Variants in DRG1 observed in about 807,000 individuals in gnomAD.
DRG1 encodes the protein developmentally regulated GTP binding protein 1.
In DRG1, 19 loss-of-function variants were observed where a neutral mutation model predicts 38.8. That is an observed-to-expected ratio of 0.49 (90% CI 0.34 to 0.72). The LOEUF is 0.72. Ranked by LOEUF, DRG1 falls within the 30% of genes least tolerant of loss-of-function variation. The probability of loss-of-function intolerance (pLI) is 0.01; values close to 1 mark genes in which losing one functional copy is unlikely to be tolerated. For missense variants in DRG1, 299 were observed against 444.8 expected (o/e 0.67, Z 2.95); for synonymous variants, 167 against 157.5 (o/e 1.06, Z -0.45).
intron 6 of DRG1, among the ~76,000 whole-genome samples, chr22:31,425,824 C>T (rs2050106818): frequency 6.6e-6 from 1 of 152,168 alleles, no homozygotes; most frequent in African/African-American, 2.4e-5. Context: ...TAGTTGCTCT[C>T]CTAGTCATTT....
chr22:31,400,172 C>G (rs1394307772), intron 1 of DRG1, among the ~76,000 whole-genome samples: 1 of 152,004 alleles, frequency 6.6e-6, no homozygotes, highest in African/African-American at 2.4e-5. Context: ...AGTGTCTACC[C>G]TAATGACCCC....
chr22:31,403,671 A>T (rs2049975035), intron 3 of DRG1, among the ~76,000 whole-genome samples: 1 of 151,256 alleles, frequency 6.6e-6, no homozygotes, highest in Non-Finnish European at 1.5e-5. Context: ...TTTAGTAGAA[A>T]TGGGGTTTCA....
chr22:31,427,294 A>C lies in DRG1; in HGVS notation c.1004+112A>C, dbSNP rs868676015. 1.2e-5 allele frequency: 17 copies of C among 1,382,550 alleles called. 1 individual carries two copies. In the African/African-American group the frequency reaches 1.7e-4, roughly 14 times the overall value. The allele number at this position is 1,382,550 out of a possible 1,614,324, so 85.6% of individuals were successfully genotyped here. On this transcript the variant is annotated intron_variant, in intron 8 of 8. Transcript: ENST00000331457. The stretch of plus-strand genomic sequence containing the variant: ...AAGAAGGCAGGAAGGAGGCTACTGA[A>C]ATGTTTGCTTGGCTAGAACTCTGCA...
chr22:31,420,168 T>C, intron 4 of DRG1, 88 bp from the exon 5 acceptor site: 1 of 1,447,772 alleles, frequency 6.9e-7, no homozygotes, highest in Non-Finnish European at 9.4e-7. Context: ...CACTTAAATG[T>C]AGGGGGAAAA....
chr22:31,406,889 A>G (rs1404123537), intron 3 of DRG1, among the ~76,000 whole-genome samples: 1 of 152,076 alleles, frequency 6.6e-6, no homozygotes, highest in East Asian at 1.9e-4. Flanking sequence ...TTTATCTAGG[A>G]TCATCCCATG....
At chr22:31,419,919 T>C (rs781326454) in intron 4 of DRG1, among the ~76,000 whole-genome samples, 2 of 152,128 alleles carry the variant, frequency 1.3e-5, no homozygotes, top group African/African-American at 2.4e-5. Flanking sequence ...GGCATGTGCC[T>C]GTAGTCCCAG....
intron 8 of DRG1, among the ~76,000 whole-genome samples, chr22:31,427,752 T>G (rs2050118841): frequency 6.6e-6 from 1 of 152,000 alleles, no homozygotes. Flanking sequence ...TTTCATTTTT[T>G]GAGACAGTCT....
chr22:31,431,626 C>A (rs2050139997), intron 8 of DRG1, among the ~76,000 whole-genome samples: 1 of 152,146 alleles, frequency 6.6e-6, no homozygotes, highest in African/African-American at 2.4e-5. Flanking sequence ...AATGATCATG[C>A]CCCCTGTACT....
chr22:31,433,920 T>C lies in DRG1; in HGVS notation c.1053T>C (p.Gly351=), dbSNP rs759816070. Residue 351 remains glycine, a synonymous_variant, in exon 9 of 9, where the codon GGT becomes GGC. Transcript: ENST00000331457. ...TGAAACACAATCCTCAGAAAGTGGG[T>C]AAAGACCATACGTTGGAGGATGAGG... is the stretch of plus-strand genomic sequence containing the variant. ...LSVKHNPQKV[G]KDHTLEDEDV... is the part of the protein sequence containing the mutation. 1.9e-6 allele frequency: 3 copies of C among 1,614,104 alleles called. No individual in the cohort carries two copies. In the Admixed American group the frequency reaches 5.0e-5, roughly 27 times the overall value.
intron 2 of DRG1, among the ~76,000 whole-genome samples, chr22:31,401,766 A>G (rs1348987498): frequency 6.6e-6 from 1 of 151,790 alleles, no homozygotes; most frequent in Non-Finnish European, 1.5e-5. Context: ...AAGAAAACCA[A>G]AGTAGGGCCA....
chr22:31,430,222 T>G (rs2050131443), intron 8 of DRG1, among the ~76,000 whole-genome samples: 1 of 152,172 alleles, frequency 6.6e-6, no homozygotes, highest in South Asian at 2.1e-4. Flanking sequence ...CTGTAGGCCC[T>G]CTCAGCAAAT....
chr22:31,431,708 C>A (rs1418171548), intron 8 of DRG1, among the ~76,000 whole-genome samples: 2 of 152,140 alleles, frequency 1.3e-5, no homozygotes, highest in Admixed American at 6.6e-5. Flanking sequence ...GTTTCTGATC[C>A]TAAGAGTACT....
chr22:31,413,987 C>T (rs1450657979), intron 4 of DRG1, among the ~76,000 whole-genome samples: 2 of 152,092 alleles, frequency 1.3e-5, no homozygotes, highest in Non-Finnish European at 2.9e-5. Flanking sequence ...TTATTGTCCA[C>T]ATCTTTCTAA....
chr22:31,416,301 T>G (rs572847465), intron 4 of DRG1, among the ~76,000 whole-genome samples: 92 of 152,060 alleles, frequency 6.1e-4, no homozygotes, highest in Admixed American at 2.6e-4. Flanking sequence ...AAAAAAGAAG[T>G]CAGATCATGT....
chr22:31,401,583 CAAAAAAA>C (rs951167073), intron 2 of DRG1, among the ~76,000 whole-genome samples: 7 of 53,748 alleles, frequency 1.3e-4, no homozygotes, highest in African/African-American at 2.2e-4. Context: ...GACTCTGTCT[CAAAAAAA>C]AAAAAAAAAA....
intron 4 of DRG1, among the ~76,000 whole-genome samples, chr22:31,416,294 AAAG>A (rs567721423): frequency 1.3e-5 from 2 of 152,152 alleles, no homozygotes; most frequent in African/African-American, 4.8e-5. Flanking sequence ...CAAACAAAAA[AAAG>A]AAGTCAGATC....
In DRG1 at chr22:31,411,896, C is replaced by T. The variant is rs993990334; in HGVS notation, c.412+815C>T. 6.6e-5 allele frequency among the ~76,000 whole-genome samples: 10 copies of T among 152,122 alleles called. No individual in the cohort carries two copies. In the South Asian group the frequency reaches 1.0e-3, roughly 16 times the overall value. ...CATTTTCCCTCAGAAATTTGAAGAA[C>T]GCTATCTTCTAGCATCTACTATTGC... is the stretch of plus-strand genomic sequence containing the variant. On this transcript the variant is annotated intron_variant, in intron 4 of 8. Coordinates refer to ENST00000331457, the MANE Select transcript of DRG1 (RefSeq NM_004147.4).
intron 8 of DRG1, among the ~76,000 whole-genome samples, chr22:31,430,895 A>G (rs1196291487): frequency 1.4e-5 from 2 of 146,210 alleles, no homozygotes; most frequent in African/African-American, 5.1e-5. Flanking sequence ...TTTTTTTTTT[A>G]TTTGTAGAGA....
chr22:31,409,796 C>T (rs1053087303), intron 3 of DRG1, among the ~76,000 whole-genome samples: 1 of 152,002 alleles, frequency 6.6e-6, no homozygotes, highest in Non-Finnish European at 1.5e-5. Context: ...GAGTTCGAGA[C>T]CAGCCTGGGC....
Sources: allele counts gnomAD v4.1 joint callset (sites outside exome capture counted in the v4.1 genomes callset), GRCh38; gene constraint gnomAD v4.1.1; transcripts MANE v1.5; gene names NCBI Gene and HGNC (gene_info 2026-07-23, HGNC 2026-07-21).